YARS1: variants seen among roughly 807,000 people sequenced by gnomAD.
The protein encoded by YARS1 is tyrosine--tRNA ligase, cytoplasmic.
Under a neutral mutation model 62.2 loss-of-function variants are expected in YARS1, and 36 were observed. The observed-to-expected ratio is 0.58, with a 90% CI of 0.44 to 0.76. YARS1 has a LOEUF of 0.76. YARS1 is among the 30% of genes least tolerant of loss of function. The probability of loss-of-function intolerance (pLI) is 0.00; values close to 1 mark genes in which losing one functional copy is unlikely to be tolerated. For synonymous variants in YARS1, 234 were observed against 244.9 expected, an observed-to-expected ratio of 0.96 and a Z score of 0.42; for missense variants, 524 against 639.8, an observed-to-expected ratio of 0.82 and a Z score of 1.95.
Position 32,776,019 on chromosome 1 carries a change from T to A in YARS1, c.1549A>T (p.Ile517Phe). The A allele has an allele frequency of 6.2e-7, 1 of 1,614,104 alleles. No individual in the cohort carries two copies. The highest frequency in any genetic ancestry group is 8.5e-7 in the Non-Finnish European group (1 of 1,180,030). Residue 517 changes from isoleucine (I) to phenylalanine (F), a missense_variant, in exon 13 of 13, where the codon ATT (isoleucine) becomes TTT (phenylalanine). Coordinates refer to ENST00000373477, the MANE Select transcript of YARS1 (RefSeq NM_003680.4). The surrounding 1 kb of genome is among the most constrained non-coding windows in gnomAD (Gnocchi z 4.0). The stretch of plus-strand genomic sequence containing the variant: ...CCCCCTTTCAGCGATTTACAGGAAA[T>A]GGAGCCCAGCTTGGTCATGAAGTTG... ...QTNFMTKLGS[I>F]SCKSLKGGNI...
At chr1:32,780,657 T>C in intron 10 of YARS1, 1 of 414,196 alleles carries the variant, frequency 2.4e-6, no homozygotes, top group Non-Finnish European at 4.5e-6. Context: ...GGCCACTGGG[T>C]GCATAACCTT....
At chr1:32,800,569 C>CA (rs1413719656) in intron 4 of YARS1, among the ~76,000 whole-genome samples, 1 of 151,768 alleles carries the variant, frequency 6.6e-6, no homozygotes, top group Non-Finnish European at 1.5e-5. Flanking sequence ...TAAACAGTAT[C>CA]AACAGCTTGG....
intron 5 of YARS1, among the ~76,000 whole-genome samples, chr1:32,796,285 G>C (rs915896190): frequency 6.6e-6 from 1 of 152,026 alleles, no homozygotes; most frequent in Non-Finnish European, 1.5e-5. Flanking sequence ...AACAGTGTGA[G>C]ACTCTGTCTT....
chr1:32,780,197 G>T lies in YARS1; in HGVS notation c.1222C>A (p.Gln408Lys). ...TGCAGTTCCTCCTTGGGCACGAACT[G>T]TACCAGGCCGCTCACCACAGTCCGT... is the stretch of plus-strand genomic sequence containing the variant. ...EPRTVVSGLV[Q>K]FVPKEELQDR... is the part of the protein sequence containing the mutation. Residue 408 changes from glutamine (Q) to lysine (K), a missense_variant, in exon 11 of 13, where the codon CAG becomes AAG. Gln to Lys is a moderately conservative substitution (Grantham distance 53). Transcript: ENST00000373477. 1 of 1,614,152 alleles carries T rather than the reference G, an allele frequency of 6.2e-7. No individual in the cohort carries two copies. Among genetic ancestry groups the T allele is most frequent in the Non-Finnish European group, 8.5e-7 (1 of 1,180,036 alleles).
intron 6 of YARS1, 26 bp from the exon 7 acceptor site, chr1:32,787,101 C>A (rs777612905): frequency 6.2e-7 from 1 of 1,613,816 alleles, no homozygotes; most frequent in Non-Finnish European, 8.5e-7. Context: ...CGGAAGAGGA[C>A]CTCTTGTGGT....
At position 32,789,145 on chromosome 1, in the gene YARS1, A is replaced by G. The variant is rs1023126083; in HGVS notation, c.684+2017T>C. Among the ~76,000 whole-genome samples the G allele has an allele frequency of 2.0e-5, 3 of 152,212 alleles. No homozygotes were observed. In the South Asian group the frequency reaches 6.2e-4, roughly 32 times the overall value. On this transcript the variant is annotated intron_variant, in intron 6 of 12. Transcript: ENST00000373477. ...GTGGCCTACTTATAGTTTTTATGCCATATTATATTCCCAATTATTAGTGGA... is the reference window on the plus strand; with the variant it reads ...GTGGCCTACTTATAGTTTTTATGCCGTATTATATTCCCAATTATTAGTGGA...
chr1:32,816,750 C>CAGAGA (rs1638748897), intron 1 of YARS1: 1 of 180,982 alleles, frequency 5.5e-6, no homozygotes, highest in Non-Finnish European at 1.2e-5. Flanking sequence ...GTCACTTCCT[C>CAGAGA]AGGGAAGCCT....
chr1:32,789,358 G>A (rs1377025032), intron 6 of YARS1, among the ~76,000 whole-genome samples: 2 of 152,176 alleles, frequency 1.3e-5, no homozygotes, highest in East Asian at 3.8e-4. Context: ...TCGACAATGT[G>A]TGAGGATACT....
intron 5 of YARS1, among the ~76,000 whole-genome samples, chr1:32,795,678 C>T (rs752645075): frequency 5.3e-5 from 8 of 151,520 alleles, no homozygotes; most frequent in South Asian, 4.2e-4. Context: ...TGGTGGCACG[C>T]GCCTGTAGTC....
At position 32,810,937 on chromosome 1, in the gene YARS1, C is replaced by T. The variant is rs367649729; in HGVS notation, c.178G>A (p.Ala60Thr). 6.2e-7 allele frequency: 1 copy of T among 1,614,146 alleles called. No homozygotes were observed. Among genetic ancestry groups the T allele is most frequent in the Non-Finnish European group, 8.5e-7 (1 of 1,180,028 alleles). ...TCACACCCTGCCTTTAAGAAGTCTG[C>T]AATCTTTGACATGGGCACAAAGTAA... ...VAYFVPMSKI[A>T]DFLKAGCEVT... The change falls in exon 2 of 13, where the codon GCA becomes ACA. Residue 60 changes from alanine to threonine, a missense_variant. Coordinates refer to ENST00000373477, the MANE Select transcript of YARS1 (RefSeq NM_003680.4).
intron 9 of YARS1, 27 bp from the exon 10 acceptor site, chr1:32,781,172 T>G (rs769207981): frequency 7.5e-6 from 12 of 1,592,364 alleles, no homozygotes; most frequent in Non-Finnish European, 7.8e-6. Context: ...CCCCATGAGG[T>G]AGAATTCTTC....
chr1:32,779,274 T>TGCAGGAAGTCCCAACAGAGAGGG, intron 12 of YARS1, 108 bp downstream of exon 12: 3 of 1,578,352 alleles, frequency 1.9e-6, no homozygotes, highest in Non-Finnish European at 2.6e-6. Flanking sequence ...GGGGCTCAAA[T>TGCAGGAAGTCCCAACAGAGAGGG]GCAGGAAGTC....
intron 12 of YARS1, among the ~76,000 whole-genome samples, chr1:32,778,060 A>G (rs1239951846): frequency 6.6e-6 from 1 of 152,186 alleles, no homozygotes; most frequent in Non-Finnish European, 1.5e-5. Flanking sequence ...GCCTCATGCA[A>G]GAGGATGGAG....
intron 12 of YARS1, among the ~76,000 whole-genome samples, chr1:32,777,032 A>G (rs1388151629): frequency 7.0e-6 from 1 of 143,696 alleles, no homozygotes; most frequent in African/African-American, 2.5e-5. Flanking sequence ...CAACCCCTCA[A>G]TTTTTTTTTT....
rs772357565 is a variant in YARS1 at position 32,781,030 on chromosome 1, G to A, written c.1140+18C>T. The A allele has an allele frequency of 6.8e-6, 11 of 1,611,108 alleles. No homozygotes were observed. In the African/African-American group the frequency reaches 1.3e-4, roughly 20 times the overall value. Reference sequence around the variant, plus strand: ...TGACCCCAATCTGCCTCTCTGAGATGTGGTGAAAAATGAGTACCTTCTCCA... The same window carrying A: ...TGACCCCAATCTGCCTCTCTGAGATATGGTGAAAAATGAGTACCTTCTCCA... On this transcript the variant is annotated intron_variant, in intron 10 of 12. Transcript: ENST00000373477.
intron 9 of YARS1, chr1:32,781,980 ATTTTTTTT>A (rs772679724): frequency 2.8e-5 from 4 of 144,306 alleles, no homozygotes; most frequent in Admixed American, 7.2e-5. Flanking sequence ...TGCCTGGCTA[ATTTTTTTT>A]TTTTTTTTTT....
At position 32,785,375 on chromosome 1, in the gene YARS1, C is replaced by T. The variant is rs552859487; in HGVS notation, c.906+987G>A. 4.6e-5 allele frequency among the ~76,000 whole-genome samples: 7 copies of T among 151,222 alleles called. No homozygotes were observed. In the South Asian group the frequency reaches 8.4e-4, roughly 18 times the overall value. ...ACTCAGGAGGCTGAGGCAGGAGAAT[C>T]GCTTGAACCTGGGAGGCGGAGGTTG... On this transcript the variant is annotated intron_variant, in intron 8 of 12. Transcript: ENST00000373477.
At chr1:32,787,208 C>T (rs1042196563) in intron 6 of YARS1, 133 bp from the exon 7 acceptor site, 1 of 1,025,576 alleles carries the variant, frequency 9.8e-7, no homozygotes, top group Non-Finnish European at 1.4e-6. Flanking sequence ...TGGCTCACTG[C>T]AGCCTCAGCC....
intron 4 of YARS1, among the ~76,000 whole-genome samples, chr1:32,804,671 G>C (rs1164294578): frequency 1.3e-5 from 2 of 151,274 alleles, no homozygotes; most frequent in Non-Finnish European, 3.0e-5. Context: ...CATCTGAGAC[G>C]ATGGGCAGCC....
Sources: gnomAD v4.1 joint callset for allele counts (sites outside exome capture counted in the v4.1 genomes callset) on GRCh38, gnomAD v4.1.1 for gene constraint, Gnocchi (gnomAD v3.1) non-coding constraint, MANE v1.5 for transcripts, NCBI Gene and HGNC (gene_info 2026-07-23, HGNC 2026-07-21) for gene names.